CADM1: variants seen among roughly 807,000 people sequenced by gnomAD.
CADM1 encodes the protein cell adhesion molecule 1.
Under a neutral mutation model 53.1 loss-of-function variants are expected in CADM1, and 15 were observed. The observed-to-expected ratio is 0.28, with a 90% CI of 0.19 to 0.44. The LOEUF (loss-of-function observed/expected upper bound fraction) is 0.44. CADM1 is among the 20% of genes least tolerant of loss of function. CADM1 has a pLI of 1.00. For synonymous variants in CADM1, 281 were observed against 243.0 expected, an observed-to-expected ratio of 1.16 and a Z score of -1.45; for missense variants, 434 against 611.3, an observed-to-expected ratio of 0.71 and a Z score of 3.06.
intron 1 of CADM1, among the ~76,000 whole-genome samples, chr11:115,490,258 AAT>A (rs2135425537): frequency 1.3e-5 from 2 of 152,176 alleles, no homozygotes; most frequent in Non-Finnish European, 2.9e-5. Context: ...ACCTATAGCT[AAT>A]ATAGGGGGAG....
At chr11:115,304,428 A>G (rs1193431292) in intron 1 of CADM1, among the ~76,000 whole-genome samples, 1 of 152,076 alleles carries the variant, frequency 6.6e-6, no homozygotes, top group African/African-American at 2.4e-5. Context: ...CTCAAAATAA[A>G]AAGTTCTTAG....
At chr11:115,404,554 G>C (rs1448299290) in intron 1 of CADM1, among the ~76,000 whole-genome samples, 1 of 148,714 alleles carries the variant, frequency 6.7e-6, no homozygotes, top group Non-Finnish European at 1.5e-5. Flanking sequence ...GGAAAAGATT[G>C]AGTTTGCCTG....
intron 11 of CADM1, among the ~76,000 whole-genome samples, chr11:115,177,997 G>C (rs962938505): frequency 6.6e-6 from 1 of 152,184 alleles, no homozygotes; most frequent in Non-Finnish European, 1.5e-5. Context: ...GAGGGAAGAA[G>C]AGGATCAGAG....
chr11:115,365,893 A>G (rs1334247396), intron 1 of CADM1, among the ~76,000 whole-genome samples: 1 of 152,216 alleles, frequency 6.6e-6, no homozygotes, highest in Non-Finnish European at 1.5e-5. Flanking sequence ...TTAACATGGG[A>G]AGATTTTACC....
Position 115,178,628 on chromosome 11 carries a change from C to A in CADM1, c.1297+16G>T, listed in dbSNP as rs1216410427. ...TGTGGGGACACGCTGCTTCTGTCTG[C>A]TGAAGCTTTGCTTACCTTTATGTCT... On this transcript the variant is annotated intron_variant, in intron 11 of 11. Transcript: ENST00000331581. 24 of 1,611,952 alleles carry A rather than the reference C, an allele frequency of 1.5e-5. No individual in the cohort carries two copies. The highest frequency in any genetic ancestry group is 2.0e-5 in the Non-Finnish European group (24 of 1,179,902).
At chr11:115,459,501 C>T (rs1481405793) in intron 1 of CADM1, among the ~76,000 whole-genome samples, 1 of 152,080 alleles carries the variant, frequency 6.6e-6, no homozygotes, top group Non-Finnish European at 1.5e-5. Flanking sequence ...CACCCATCCC[C>T]TTTGCTTCCC....
chr11:115,431,134 A>G (rs1948037299), intron 1 of CADM1, among the ~76,000 whole-genome samples: 1 of 152,226 alleles, frequency 6.6e-6, no homozygotes, highest in Non-Finnish European at 1.5e-5. Context: ...CAAAAAAAGT[A>G]CCAGAAAAAC....
At chr11:115,247,130 T>A (rs1942433813) in intron 1 of CADM1, among the ~76,000 whole-genome samples, 1 of 152,242 alleles carries the variant, frequency 6.6e-6, no homozygotes, top group Admixed American at 6.5e-5. Flanking sequence ...TAGCATTGAA[T>A]TCCAAAAGCT....
rs1214425460 is a variant in CADM1, at chr11:115,428,798, T to TGTGTGCGC, written c.124+75472_124+75473insGCGCACAC. Among the ~76,000 whole-genome samples the TGTGTGCGC allele has an allele frequency of 4.8e-5, 7 of 146,118 alleles. No homozygotes were observed. The East Asian group carries it at 1.0e-3, about 21-fold the overall frequency. On this transcript the variant is annotated intron_variant, in intron 1 of 11. Transcript: ENST00000331581. ...GTGTGTGCGTGTGTGTGTGTGTGTG[T>TGTGTGCGC]ACGTGTGTGCGCATATGAGCAGACT... is the stretch of plus-strand genomic sequence containing the variant.
chr11:115,275,249 C>T (rs961465453), intron 1 of CADM1, among the ~76,000 whole-genome samples: 1 of 152,160 alleles, frequency 6.6e-6, no homozygotes, highest in South Asian at 2.1e-4. Context: ...CTCTCGCCCA[C>T]GTCTTTCTCA....
chr11:115,332,035 G>A lies in CADM1; in HGVS notation c.125-91615C>T, dbSNP rs373210260. Among the ~76,000 whole-genome samples, 4 of 151,856 alleles carry A rather than the reference G, an allele frequency of 2.6e-5. No homozygotes were observed. In the East Asian group the frequency reaches 5.8e-4, roughly 22 times the overall value. On this transcript the variant is annotated intron_variant, in intron 1 of 11. Transcript: ENST00000331581. Reference sequence around the variant, plus strand: ...GCCCAGGTGCCTGAGCGTAACAGTCGGGGAAAAAAACAGGAAAAGAACCTG... The same window carrying A: ...GCCCAGGTGCCTGAGCGTAACAGTCAGGGAAAAAAACAGGAAAAGAACCTG...
At chr11:115,445,705 G>T (rs948322258) in intron 1 of CADM1, 1 of 431,906 alleles carries the variant, frequency 2.3e-6, no homozygotes, top group Non-Finnish European at 4.6e-6. Flanking sequence ...TTAGCTGGGC[G>T]TGGTAGTGTG....
intron 1 of CADM1, among the ~76,000 whole-genome samples, chr11:115,446,445 C>T (rs1281761318): frequency 1.3e-5 from 2 of 152,128 alleles, no homozygotes; most frequent in African/African-American, 4.8e-5. Flanking sequence ...ACTGAAGGCT[C>T]ACGTGTTTGG....
chr11:115,391,708 C>T lies in CADM1; in HGVS notation c.124+112563G>A, dbSNP rs551985464. Among the ~76,000 whole-genome samples the T allele has an allele frequency of 3.9e-5, 6 of 152,276 alleles. No homozygotes were observed. The East Asian group carries it at 1.2e-3, about 29-fold the overall frequency. ...CAGGTGGTGAAGAAATCTCACTCCA[C>T]CCTCAGATTCACACTGACAAAACTT... On this transcript the variant is annotated intron_variant, in intron 1 of 11. Transcript: ENST00000331581.
At position 115,225,819 on chromosome 11, in the gene CADM1, T is replaced by A. The variant is rs542270073; in HGVS notation, c.721+3294A>T. Among the ~76,000 whole-genome samples the A allele has an allele frequency of 8.7e-4, 132 of 152,338 alleles. 1 individual carries two copies. The highest frequency in any genetic ancestry group is 3.3e-3 in the South Asian group (16 of 4,828). On this transcript the variant is annotated intron_variant, in intron 5 of 11. Transcript: ENST00000331581. ...TCATTTCCTTTTTAATAGTATTTTT[T>A]AAAAATTACTTGATGTAGAATTCAA...
At chr11:115,278,331 G>A (rs1943498804) in intron 1 of CADM1, among the ~76,000 whole-genome samples, 1 of 152,156 alleles carries the variant, frequency 6.6e-6, no homozygotes, top group Non-Finnish European at 1.5e-5. Flanking sequence ...GTGGATATAA[G>A]CAAGTAAAAG....
In CADM1 at chr11:115,174,273, TTTTTTG is replaced by T. The variant is rs374571246; in HGVS notation, c.*2195_*2200del. 8,613 of 569,736 alleles carry T rather than the reference TTTTTTG, an allele frequency of 0.015. 20 individuals are homozygous for T. The highest frequency in any genetic ancestry group is 0.025 in the Middle Eastern group (31 of 1,254). The allele number at this position is 569,736 out of a possible 1,614,324, so 35.3% of individuals were successfully genotyped here. A position where few individuals can be genotyped will look rare whatever the true frequency, so the allele number is the denominator to read the frequency against. On this transcript the variant is annotated 3_prime_UTR_variant, in exon 12 of 12. Transcript: ENST00000331581. ...TCTGTGAGCAATGGTGTGATTTTTT[TTTTTTG>T]TTTTTGTTTTTGTTTTTCTTTTTTT...
At chr11:115,309,861 C>T (rs1242418379) in intron 1 of CADM1, among the ~76,000 whole-genome samples, 1 of 152,106 alleles carries the variant, frequency 6.6e-6, no homozygotes, top group East Asian at 1.9e-4. Flanking sequence ...TAGCATGGTG[C>T]TAAATTCTAC....
At chr11:115,183,962 G>A (rs1939428903) in intron 10 of CADM1, among the ~76,000 whole-genome samples, 2 of 152,150 alleles carry the variant, frequency 1.3e-5, no homozygotes. Flanking sequence ...TCTGTCACGT[G>A]GCTCAGTTTT....
Sources: allele counts gnomAD v4.1 joint callset (sites outside exome capture counted in the v4.1 genomes callset), GRCh38; gene constraint gnomAD v4.1.1; transcripts MANE v1.5; gene names NCBI Gene and HGNC (gene_info 2026-07-23, HGNC 2026-07-21).